The following REC114 variants were observed in gnomAD, a reference collection of about 807,000 sequenced individuals.
The protein encoded by REC114 is REC114 meiotic recombination protein, also known as meiotic recombination protein REC114.
In REC114, 27 loss-of-function variants were observed where a neutral mutation model predicts 31.3. The observed-to-expected ratio is 0.86, with a 90% confidence interval of 0.64 to 1.19. The LOEUF (loss-of-function observed/expected upper bound fraction) is 1.19, where lower values mean the gene tolerates loss of function less well. REC114 is among the 50% of genes most tolerant of loss of function. REC114 has a pLI of 0.00. For synonymous variants in REC114, 134 were observed against 127.7 expected, an observed-to-expected ratio of 1.05 and a Z score of -0.33; for missense variants, 344 against 326.9, an observed-to-expected ratio of 1.05 and a Z score of -0.40.
At chr15:73,552,843 C>T (rs117508212) in intron 4 of REC114, among the ~76,000 whole-genome samples, 2,317 of 152,206 alleles carry the variant, frequency 0.015, 17 homozygotes, top group East Asian at 0.027. Context: ...GACAGAGTTT[C>T]GCTCTTGTTG....
At chr15:73,486,042 A>T (rs1473625755) in intron 2 of REC114, among the ~76,000 whole-genome samples, 1 of 152,228 alleles carries the variant, frequency 6.6e-6, no homozygotes, top group Non-Finnish European at 1.5e-5. Context: ...CTTGCTTGCA[A>T]ATTTGCTGAT....
intron 1 of REC114, among the ~76,000 whole-genome samples, chr15:73,452,758 C>G (rs1892868149): frequency 6.6e-6 from 1 of 152,186 alleles, no homozygotes; most frequent in African/African-American, 2.4e-5. Context: ...GTAACCAAAA[C>G]AGCATGGTAC....
At chr15:73,555,446 C>T (rs1445260015) in intron 4 of REC114, among the ~76,000 whole-genome samples, 3 of 152,166 alleles carry the variant, frequency 2.0e-5, no homozygotes, top group Admixed American at 6.5e-5. Context: ...TGGAAAGCAT[C>T]CCATGTCCTA....
At chr15:73,489,017 A>G (rs751659415) in intron 2 of REC114, among the ~76,000 whole-genome samples, 1 of 152,138 alleles carries the variant, frequency 6.6e-6, no homozygotes, top group Non-Finnish European at 1.5e-5. Flanking sequence ...TGTATTTCTT[A>G]TAGTTCTGGA....
intron 3 of REC114, among the ~76,000 whole-genome samples, chr15:73,548,065 A>T (rs905794049): frequency 3.9e-5 from 6 of 152,228 alleles, no homozygotes; most frequent in Non-Finnish European, 5.9e-5. Context: ...TAAATTTACA[A>T]GAAAAAAACA....
intron 4 of REC114, 57 bp downstream of exon 4, chr15:73,551,207 G>C (rs1018570840): frequency 9.5e-6 from 14 of 1,475,170 alleles, no homozygotes; most frequent in Admixed American, 2.0e-5. Context: ...TGCACAATGA[G>C]TGGCCAAAAT....
intron 2 of REC114, among the ~76,000 whole-genome samples, chr15:73,499,157 C>T (rs1054792567): frequency 2.0e-5 from 3 of 151,954 alleles, no homozygotes; most frequent in Non-Finnish European, 4.4e-5. Flanking sequence ...CCTCTTAAGG[C>T]GTTAACACTT....
At chr15:73,495,586 T>G (rs931897372) in intron 2 of REC114, among the ~76,000 whole-genome samples, 1 of 151,942 alleles carries the variant, frequency 6.6e-6, no homozygotes, top group African/African-American at 2.4e-5. Context: ...TCCCTATTTA[T>G]CATCTTATCA....
chr15:73,484,246 C>A (rs1261006926), intron 2 of REC114, among the ~76,000 whole-genome samples: 1 of 152,076 alleles, frequency 6.6e-6, no homozygotes, highest in Non-Finnish European at 1.5e-5. Flanking sequence ...CACTATGAGC[C>A]CTTTTTAGGG....
At position 73,445,442 on chromosome 15, in the gene REC114, C is replaced by T. The variant is rs147469401; in HGVS notation, c.159+2098C>T. Among the ~76,000 whole-genome samples the T allele has an allele frequency of 2.4e-4, 36 of 152,340 alleles. No individual in the cohort carries two copies. In the East Asian group the frequency reaches 4.4e-3, roughly 19 times the overall value. ...ATCATTCCTGTGTTCACTGGAATAG[C>T]ATTTTTAATTTCCTTTAAGAACTTT... On this transcript the variant is annotated intron_variant, in intron 1 of 5. Transcript: ENST00000331090.
intron 2 of REC114, among the ~76,000 whole-genome samples, chr15:73,527,248 C>A (rs1009869580): frequency 2.0e-5 from 3 of 152,170 alleles, no homozygotes; most frequent in Non-Finnish European, 4.4e-5. Context: ...TCTTATTTTT[C>A]CAGAAGTTGT....
At chr15:73,550,566 G>A (rs1430802327) in intron 3 of REC114, among the ~76,000 whole-genome samples, 1 of 152,162 alleles carries the variant, frequency 6.6e-6, no homozygotes, top group African/African-American at 2.4e-5. Flanking sequence ...GCAGGACTAT[G>A]CTTGCTGTAT....
chr15:73,551,275 T>C (rs1002636056), intron 4 of REC114, 125 bp downstream of exon 4: 192 of 992,482 alleles, frequency 1.9e-4, no homozygotes, highest in Middle Eastern at 1.3e-3. Context: ...CTATGTTCGG[T>C]GACTTTTTAA....
intron 2 of REC114, among the ~76,000 whole-genome samples, chr15:73,528,469 A>G (rs975115300): frequency 6.6e-6 from 1 of 152,224 alleles, no homozygotes; most frequent in South Asian, 2.1e-4. Flanking sequence ...TTTGAGAATT[A>G]TAAGACAGAG....
rs1390242283 is a variant in REC114 at position 73,513,430 on chromosome 15, C to T, written c.250-27055C>T. ...TCAGAGTAATTTGATCGTCTGAAGC[C>T]TTCTTCTCTCAGCTCGTCAAAGTCA... On this transcript the variant is annotated intron_variant, in intron 2 of 5. Transcript: ENST00000331090. Among the ~76,000 whole-genome samples the T allele has an allele frequency of 2.7e-5, 4 of 148,278 alleles. No homozygotes were observed. In the South Asian group the frequency reaches 6.6e-4, roughly 24 times the overall value.
chr15:73,502,198 G>A (rs1236784377), intron 2 of REC114, among the ~76,000 whole-genome samples: 1 of 151,676 alleles, frequency 6.6e-6, no homozygotes, highest in Non-Finnish European at 1.5e-5. Context: ...TTTAGATACA[G>A]AATGTAACAT....
intron 2 of REC114, among the ~76,000 whole-genome samples, chr15:73,529,907 C>G (rs1330472132): frequency 6.6e-6 from 1 of 152,108 alleles, no homozygotes; most frequent in Non-Finnish European, 1.5e-5. Context: ...ACTTCTGGAA[C>G]AAATATAATA....
chr15:73,489,029 G>A (rs531987935), intron 2 of REC114, among the ~76,000 whole-genome samples: 46 of 152,188 alleles, frequency 3.0e-4, no homozygotes, highest in African/African-American at 9.9e-4. Context: ...AGTTCTGGAG[G>A]CTGGAAAATC....
rs1455012008 is a variant in REC114 at position 73,551,148 on chromosome 15, G to A, written c.544G>A (p.Gly182Arg). ...TGCAAAGAGTGTCCCACGGCAGCCT[G>A]GAGTAAGTAGGCTGATGTGTTGGTT... ...DSAKSVPRQP[G>R]SHQHSEQQQV... Residue 182 changes from glycine (G) to arginine (R), a missense_variant and splice_region_variant, in exon 4 of 6, where the codon GGA (glycine) becomes AGA (arginine). Gly to Arg is a moderately radical substitution (Grantham distance 125, BLOSUM62 -2). Coordinates refer to ENST00000331090, the MANE Select transcript of REC114 (RefSeq NM_001042367.2). 12 of 1,597,714 alleles carry A rather than the reference G, an allele frequency of 7.5e-6. No homozygotes were observed. The highest frequency in any genetic ancestry group is 8.5e-6 in the Non-Finnish European group (10 of 1,172,118).
Sources: allele counts gnomAD v4.1 joint callset (sites outside exome capture counted in the v4.1 genomes callset), GRCh38; gene constraint gnomAD v4.1.1; transcripts MANE v1.5; gene names NCBI Gene and HGNC (gene_info 2026-07-23, HGNC 2026-07-21).